The following KDM4C variants were observed in gnomAD, a reference collection of about 807,000 sequenced individuals.
KDM4C encodes lysine-specific demethylase 4C.
Under a neutral mutation model 129.3 loss-of-function variants are expected in KDM4C, and 81 were observed. The ratio of observed to expected loss-of-function variants is 0.63; its 90% CI spans 0.52 to 0.75. KDM4C has a LOEUF of 0.75. KDM4C is among the 30% of genes least tolerant of loss of function. The pLI is 0.00. For missense variants in KDM4C, 1,457 were observed against 1,304.0 expected (o/e 1.12, Z -1.81); for synonymous variants, 573 against 456.1 (o/e 1.26, Z -3.26).
chr9:7,167,697 T>G (rs1844535765), intron 20 of KDM4C, among the ~76,000 whole-genome samples: 1 of 152,196 alleles, frequency 6.6e-6, no homozygotes, highest in Admixed American at 6.5e-5. Flanking sequence ...TGATCTTTAT[T>G]AAGACCGTGG....
intron 20 of KDM4C, among the ~76,000 whole-genome samples, chr9:7,165,970 A>G (rs974349911): frequency 3.9e-5 from 6 of 152,222 alleles, no homozygotes; most frequent in Non-Finnish European, 8.8e-5. Context: ...TTTAAAATGA[A>G]TTACTTTTAT....
At chr9:6,900,567 C>A (rs139446400) in intron 8 of KDM4C, among the ~76,000 whole-genome samples, 6 of 152,262 alleles carry the variant, frequency 3.9e-5, no homozygotes, top group Admixed American at 3.9e-4. Context: ...CCCAGGAGTT[C>A]AAGGTTACAG....
chr9:7,164,082 A>T (rs997560717), intron 19 of KDM4C, among the ~76,000 whole-genome samples: 1 of 152,182 alleles, frequency 6.6e-6, no homozygotes, highest in African/African-American at 2.4e-5. Flanking sequence ...TCTCATTTAA[A>T]CCACAGAATA....
intron 17 of KDM4C, among the ~76,000 whole-genome samples, chr9:7,058,605 A>G (rs1266435747): frequency 1.3e-5 from 2 of 152,074 alleles, no homozygotes; most frequent in Admixed American, 6.6e-5. Context: ...ACTAGTAACC[A>G]TTGTATTCTC....
At chr9:6,847,311 A>G (rs974622608) in intron 4 of KDM4C, among the ~76,000 whole-genome samples, 6 of 152,208 alleles carry the variant, frequency 3.9e-5, no homozygotes, top group African/African-American at 1.4e-4. Flanking sequence ...AAGAGATTGC[A>G]TCGCTATAAA....
chr9:6,966,406 G>T (rs1427675131), intron 8 of KDM4C, among the ~76,000 whole-genome samples: 1 of 152,016 alleles, frequency 6.6e-6, no homozygotes, highest in Non-Finnish European at 1.5e-5. Context: ...TCCTGACCTC[G>T]TGATCCGCCC....
At position 6,817,343 on chromosome 9, in the gene KDM4C, C is replaced by G. The variant is rs9408681; in HGVS notation, c.435+2598C>G. Reference sequence around the variant, plus strand: ...CCACCTCCTATGTAGCTGGGACTACCTGCAGGCGCCACCATGCCTAGCTAA... The same window carrying G: ...CCACCTCCTATGTAGCTGGGACTACGTGCAGGCGCCACCATGCCTAGCTAA... On this transcript the variant is annotated intron_variant, in intron 4 of 21. Transcript: ENST00000381309. Among the ~76,000 whole-genome samples, 658 of 151,808 alleles carry G rather than the reference C, an allele frequency of 4.3e-3. 7 individuals carry two copies. Among genetic ancestry groups the G allele is most frequent in the African/African-American group, 0.015 (615 of 41,402 alleles).
chr9:6,729,375 A>T (rs1239571329), intron 1 of KDM4C, among the ~76,000 whole-genome samples: 1 of 129,174 alleles, frequency 7.7e-6, no homozygotes, highest in Non-Finnish European at 1.6e-5. Flanking sequence ...CCCTATCCCT[A>T]CTAAAAATAC....
chr9:7,013,257 G>C lies in KDM4C; in HGVS notation c.1969-531G>C, dbSNP rs551174607. ...GTACTAAACTTTTTAAAATCTTTTG[G>C]TGTGAGGTGATAATTTTGTTTGATA... On this transcript the variant is annotated intron_variant, in intron 13 of 21. Transcript: ENST00000381309. Among the ~76,000 whole-genome samples, 21 of 152,180 alleles carry C rather than the reference G, an allele frequency of 1.4e-4. No individual in the cohort carries two copies. In the East Asian group the frequency reaches 4.1e-3, roughly 29 times the overall value.
chr9:6,785,158 G>A (rs1825200568), intron 1 of KDM4C, among the ~76,000 whole-genome samples: 1 of 152,204 alleles, frequency 6.6e-6, no homozygotes, highest in South Asian at 2.1e-4. Flanking sequence ...CCAAAATCAA[G>A]GTGTTGGCAG....
At chr9:6,881,530 A>G (rs892652686) in intron 6 of KDM4C, among the ~76,000 whole-genome samples, 1 of 152,208 alleles carries the variant, frequency 6.6e-6, no homozygotes, top group Non-Finnish European at 1.5e-5. Flanking sequence ...ACCATTTTCT[A>G]TTAATCTTGC....
At chr9:6,844,501 T>A (rs1462267127) in intron 4 of KDM4C, among the ~76,000 whole-genome samples, 1 of 152,202 alleles carries the variant, frequency 6.6e-6, no homozygotes, top group Admixed American at 6.5e-5. Flanking sequence ...CAGCACTGTT[T>A]TACATGATGT....
intron 18 of KDM4C, among the ~76,000 whole-genome samples, chr9:7,111,310 T>C (rs552267841): frequency 6.6e-6 from 1 of 152,296 alleles, no homozygotes; most frequent in East Asian, 1.9e-4. Context: ...ACAAAGGAAA[T>C]GCTCATTTAA....
At chr9:7,073,418 T>G (rs2132844307) in intron 17 of KDM4C, among the ~76,000 whole-genome samples, 1 of 152,374 alleles carries the variant, frequency 6.6e-6, no homozygotes, top group African/African-American at 2.4e-5. Context: ...TAGATAATAG[T>G]TGAAGAGCTG....
chr9:6,767,577 GGCACCTGCCACCAT>G (rs1294175390), intron 1 of KDM4C, among the ~76,000 whole-genome samples: 3 of 152,164 alleles, frequency 2.0e-5, no homozygotes, highest in African/African-American at 7.2e-5. Flanking sequence ...TGGGACTACA[GGCACCTGCCACCAT>G]GCCTGGCTAA....
At position 6,758,912 on chromosome 9, in the gene KDM4C, G is replaced by A. The variant is rs1049636758; in HGVS notation, c.-18+709G>A. ...AGACAGGCCGGGGCTGTAGGCAGGA[G>A]CTTGGGGTTTTCCTCTGTGCTCCGC... On this transcript the variant is annotated intron_variant, in intron 1 of 21. Coordinates refer to ENST00000381309, the MANE Select transcript of KDM4C (RefSeq NM_015061.6). The surrounding 1 kb of genome is among the most constrained non-coding windows in gnomAD (Gnocchi z 4.6). 2.6e-5 allele frequency among the ~76,000 whole-genome samples: 4 copies of A among 152,356 alleles called. No individual in the cohort carries two copies. The highest frequency in any genetic ancestry group is 1.9e-4 in the East Asian group (1 of 5,192).
At chr9:7,145,368 T>G (rs1282582245) in intron 19 of KDM4C, among the ~76,000 whole-genome samples, 1 of 152,200 alleles carries the variant, frequency 6.6e-6, no homozygotes, top group African/African-American at 2.4e-5. Flanking sequence ...GGCCATTGAA[T>G]GGCTGGAAGT....
At chr9:6,818,511 G>A (rs1445046966) in intron 4 of KDM4C, among the ~76,000 whole-genome samples, 2 of 152,228 alleles carry the variant, frequency 1.3e-5, no homozygotes, top group African/African-American at 4.8e-5. Flanking sequence ...TAGAGCAATT[G>A]TCTGGGAAGG....
intron 15 of KDM4C, among the ~76,000 whole-genome samples, chr9:7,043,428 A>T (rs906059817): frequency 2.0e-5 from 3 of 152,020 alleles, no homozygotes; most frequent in African/African-American, 7.2e-5. Flanking sequence ...GTGAGAGTTA[A>T]CCTGTTAATT....
Sources: allele counts gnomAD v4.1 joint callset (sites outside exome capture counted in the v4.1 genomes callset), GRCh38; gene constraint gnomAD v4.1.1; non-coding constraint Gnocchi (gnomAD v3.1); transcripts MANE v1.5; gene names NCBI Gene and HGNC (gene_info 2026-07-23, HGNC 2026-07-21).